SLC17A8: variants seen among roughly 807,000 people sequenced by gnomAD.
SLC17A8 encodes the protein vesicular glutamate transporter 3.
In SLC17A8, 31 loss-of-function variants were observed where a neutral mutation model predicts 58.0. The observed-to-expected ratio is 0.53, with a 90% CI of 0.40 to 0.72. The LOEUF (loss-of-function observed/expected upper bound fraction) is 0.72, where lower values mean the gene tolerates loss of function less well. SLC17A8 is among the 30% of genes least tolerant of loss of function. The pLI is 0.00. For synonymous variants in SLC17A8, 228 were observed against 249.0 expected (o/e 0.92, Z 0.79); for missense variants, 655 against 727.8 (o/e 0.90, Z 1.15).
intron 5 of SLC17A8, among the ~76,000 whole-genome samples, chr12:100,401,242 G>C (rs1952789089): frequency 6.6e-6 from 1 of 151,354 alleles, no homozygotes; most frequent in Admixed American, 6.6e-5. Context: ...CAAGTGATCT[G>C]TCCACCTCAG....
chr12:100,401,228 G>T (rs1952788962), intron 5 of SLC17A8, among the ~76,000 whole-genome samples: 1 of 151,498 alleles, frequency 6.6e-6, no homozygotes, highest in African/African-American at 2.4e-5. Context: ...TGAACTCCTG[G>T]CCTCAAGTGA....
chr12:100,404,208 T>A (rs749056993), intron 9 of SLC17A8, 38 bp downstream of exon 9: 1 of 1,613,610 alleles, frequency 6.2e-7, no homozygotes, highest in South Asian at 1.1e-5. Context: ...GCAGCTTTTG[T>A]AGAATTAGGG....
Position 100,411,203 on chromosome 12 carries a change from T to C in SLC17A8, c.1187-1567T>C, listed in dbSNP as rs1952865105. ...GAGGCCAGGGGTGGTGGCTCATGCCTGTAATCCCAGCACTTTGGGAGGCTG... is the reference window on the plus strand; with the variant it reads ...GAGGCCAGGGGTGGTGGCTCATGCCCGTAATCCCAGCACTTTGGGAGGCTG... On this transcript the variant is annotated intron_variant, in intron 9 of 11. Coordinates refer to ENST00000323346, the MANE Select transcript of SLC17A8 (RefSeq NM_139319.3). Among the ~76,000 whole-genome samples the C allele has an allele frequency of 2.6e-5, 4 of 152,296 alleles. No individual in the cohort carries two copies. The South Asian group carries it at 6.2e-4, about 24-fold the overall frequency.
At chr12:100,367,894 T>C (rs1295321538) in intron 1 of SLC17A8, among the ~76,000 whole-genome samples, 1 of 152,234 alleles carries the variant, frequency 6.6e-6, no homozygotes, top group Non-Finnish European at 1.5e-5. Flanking sequence ...CCATATCCTG[T>C]ATCTCTGTGT....
chr12:100,404,462 T>A (rs1952812708), intron 9 of SLC17A8: 1 of 392,712 alleles, frequency 2.5e-6, no homozygotes, highest in East Asian at 5.6e-5. Context: ...AGAAGAAAAG[T>A]AGTCTTTCCT....
intron 9 of SLC17A8, among the ~76,000 whole-genome samples, chr12:100,412,205 C>T (rs1005357029): frequency 2.6e-5 from 4 of 151,946 alleles, no homozygotes; most frequent in Non-Finnish European, 5.9e-5. Context: ...AGGTGCACCG[C>T]GATAATGTTA....
Position 100,404,104 on chromosome 12 carries a change from G to T in SLC17A8, c.1120G>T (p.Ala374Ser), listed in dbSNP as rs138307707. The change falls in exon 9 of 12, where the codon GCT becomes TCT. Residue 374 changes from alanine (A) to serine (S), a missense_variant. Transcript: ENST00000323346. The stretch of plus-strand genomic sequence containing the variant: ...CGTTGTACCTATTGGAGGACAATTG[G>T]CTGATTATTTAAGAAGCAGACAAAT... The part of the protein sequence containing the change: ...TIVVPIGGQL[A>S]DYLRSRQILT... The T allele has an allele frequency of 5.4e-4, 877 of 1,614,112 alleles. 5 individuals are homozygous for T. Among genetic ancestry groups the T allele is most frequent in the East Asian group, 4.2e-3 (190 of 44,886 alleles).
At chr12:100,366,253 C>T (rs558959522) in intron 1 of SLC17A8, among the ~76,000 whole-genome samples, 14 of 152,152 alleles carry the variant, frequency 9.2e-5, no homozygotes, top group African/African-American at 2.9e-4. Flanking sequence ...TTTTCTATTA[C>T]AATAGCTTTT....
At chr12:100,389,163 G>A (rs576586353) in intron 2 of SLC17A8, among the ~76,000 whole-genome samples, 3 of 152,210 alleles carry the variant, frequency 2.0e-5, no homozygotes, top group Non-Finnish European at 4.4e-5. Flanking sequence ...CAGCCCTAGA[G>A]AATCACATTT....
At chr12:100,366,704 G>C (rs1389160391) in intron 1 of SLC17A8, among the ~76,000 whole-genome samples, 1 of 152,192 alleles carries the variant, frequency 6.6e-6, no homozygotes, top group Non-Finnish European at 1.5e-5. Context: ...GGGCAAGAGA[G>C]TGTGACTTTC....
At position 100,393,355 on chromosome 12, in the gene SLC17A8, C is replaced by A. The variant is rs772233096; in HGVS notation, c.474-14C>A. ...AGCAGACCTGCCGAATAACACAATGCTTTGGTCCCCCAGGGTCTTTGGAGC... is the reference window on the plus strand; with the variant it reads ...AGCAGACCTGCCGAATAACACAATGATTTGGTCCCCCAGGGTCTTTGGAGC... On this transcript the variant is annotated splice_polypyrimidine_tract_variant and intron_variant, in intron 3 of 11. Coordinates refer to ENST00000323346, the MANE Select transcript of SLC17A8 (RefSeq NM_139319.3). 2.6e-5 allele frequency: 42 copies of A among 1,590,842 alleles called. No homozygotes were observed. In the African/African-American group the frequency reaches 4.4e-4, roughly 17 times the overall value.
chr12:100,367,036 A>C (rs1952525040), intron 1 of SLC17A8, among the ~76,000 whole-genome samples: 1 of 152,118 alleles, frequency 6.6e-6, no homozygotes, highest in South Asian at 2.1e-4. Context: ...CCCCATCACC[A>C]CTGCATTCCT....
chr12:100,386,469 C>G (rs1457619911), intron 2 of SLC17A8, among the ~76,000 whole-genome samples: 1 of 152,028 alleles, frequency 6.6e-6, no homozygotes, highest in East Asian at 1.9e-4. Flanking sequence ...CCTCATTTCC[C>G]CCTCCCCCAG....
chr12:100,403,861 C>T (rs185263871), intron 8 of SLC17A8, among the ~76,000 whole-genome samples, 177 bp from the exon 9 acceptor site: 33 of 152,264 alleles, frequency 2.2e-4, no homozygotes, highest in East Asian at 1.4e-3. Context: ...TAAAATCATT[C>T]GCTCATTCAT....
At chr12:100,382,326 A>G (rs1952643637) in intron 2 of SLC17A8, among the ~76,000 whole-genome samples, 1 of 152,246 alleles carries the variant, frequency 6.6e-6, no homozygotes, top group Non-Finnish European at 1.5e-5. Flanking sequence ...CATAGTTATA[A>G]GCAAGGATAC....
At chr12:100,417,339 CT>C (rs1952913914) in intron 10 of SLC17A8, among the ~76,000 whole-genome samples, 1 of 152,202 alleles carries the variant, frequency 6.6e-6, no homozygotes, top group Admixed American at 6.5e-5. Flanking sequence ...CCTATTTCCC[CT>C]GAGTCTCTAT....
At chr12:100,408,116 G>C (rs904554454) in intron 9 of SLC17A8, among the ~76,000 whole-genome samples, 1 of 152,122 alleles carries the variant, frequency 6.6e-6, no homozygotes, top group Non-Finnish European at 1.5e-5. Flanking sequence ...AGAGAATTTT[G>C]GTTGGCTTTT....
chr12:100,367,638 C>A (rs1592987452), intron 1 of SLC17A8, among the ~76,000 whole-genome samples: 1 of 152,310 alleles, frequency 6.6e-6, no homozygotes, highest in South Asian at 2.1e-4. Flanking sequence ...GCAGCCTCAA[C>A]CTCCCAGGCT....
intron 1 of SLC17A8, among the ~76,000 whole-genome samples, chr12:100,367,832 C>A (rs115667114): frequency 0.026 from 3,909 of 152,278 alleles, 175 homozygotes; most frequent in African/African-American, 0.089. Context: ...GGATTACAGG[C>A]GTGAACCCCT....
Sources: allele counts gnomAD v4.1 joint callset (sites outside exome capture counted in the v4.1 genomes callset), GRCh38; gene constraint gnomAD v4.1.1; transcripts MANE v1.5; gene names NCBI Gene and HGNC (gene_info 2026-07-23, HGNC 2026-07-21).